Variants in PTPN13 observed in about 807,000 individuals in gnomAD.
PTPN13 encodes protein tyrosine phosphatase non-receptor type 13.
In PTPN13, 191 loss-of-function variants were observed where a neutral mutation model predicts 284.0. The ratio of observed to expected loss-of-function variants is 0.67; its 90% CI spans 0.60 to 0.76. PTPN13 has a LOEUF of 0.76. PTPN13 is among the 30% of genes least tolerant of loss of function. The probability of loss-of-function intolerance (pLI) is 0.00; values close to 1 mark genes in which losing one functional copy is unlikely to be tolerated. For missense variants in PTPN13, 2,797 were observed against 2,939.9 expected (o/e 0.95, Z 1.12); for synonymous variants, 986 against 1,022.3 (o/e 0.96, Z 0.68).
At chr4:86,658,042 T>A (rs1726060068) in intron 2 of PTPN13, among the ~76,000 whole-genome samples, 1 of 152,216 alleles carries the variant, frequency 6.6e-6, no homozygotes, top group Admixed American at 6.5e-5. Context: ...CCTTGTGGCC[T>A]GACTGCCACT....
At chr4:86,788,341 A>C (rs936309320) in intron 40 of PTPN13, among the ~76,000 whole-genome samples, 3 of 152,200 alleles carry the variant, frequency 2.0e-5, no homozygotes, top group Non-Finnish European at 4.4e-5. Flanking sequence ...AGTTTTAAAA[A>C]TTATTTAGAA....
chr4:86,614,491 T>C (rs926876166), intron 1 of PTPN13, among the ~76,000 whole-genome samples: 1 of 152,184 alleles, frequency 6.6e-6, no homozygotes, highest in African/African-American at 2.4e-5. Context: ...GTTTGACTTC[T>C]AAAAATTTCC....
chr4:86,653,721 A>G (rs1488297903), intron 2 of PTPN13, among the ~76,000 whole-genome samples: 1 of 152,160 alleles, frequency 6.6e-6, no homozygotes, highest in Non-Finnish European at 1.5e-5. Flanking sequence ...CACAGTGTGT[A>G]TATATTTAAA....
At chr4:86,706,189 A>G (rs1731745715) in intron 7 of PTPN13, among the ~76,000 whole-genome samples, 1 of 152,174 alleles carries the variant, frequency 6.6e-6, no homozygotes, top group South Asian at 2.1e-4. Flanking sequence ...CTAGTTTGCC[A>G]AAGGAGATAC....
At chr4:86,658,029 A>G (rs920658321) in intron 2 of PTPN13, among the ~76,000 whole-genome samples, 32 of 152,288 alleles carry the variant, frequency 2.1e-4, no homozygotes, top group African/African-American at 7.5e-4. Context: ...TGAGGACTGC[A>G]GTCCTTGTGG....
rs1578633269 is a variant in PTPN13 at position 86,772,865 on chromosome 4, G to A, written c.5256G>A (p.Lys1752=). 1 of 1,612,838 alleles carries A rather than the reference G, an allele frequency of 6.2e-7. No individual in the cohort carries two copies. The highest frequency in any genetic ancestry group is 2.2e-5 in the East Asian group (1 of 44,852). The change falls in exon 32 of 48, where the codon AAG becomes AAA. Residue 1752 remains lysine (K), a synonymous_variant. Coordinates refer to ENST00000411767, the MANE Select transcript of PTPN13 (RefSeq NM_080683.3). ...SESASSSSMD[K]YHIHHISEPT... The stretch of plus-strand genomic sequence containing the variant: ...CTGCTTCCTCTAGTTCGATGGATAA[G>A]TATCATATACATCACATTTCTGAAC...
At chr4:86,753,337 G>T (rs1446915228) in intron 20 of PTPN13, among the ~76,000 whole-genome samples, 1 of 152,074 alleles carries the variant, frequency 6.6e-6, no homozygotes, top group Non-Finnish European at 1.5e-5. Flanking sequence ...ATTAAAAAGA[G>T]TTTTAACTGA....
rs773482453 is a variant in PTPN13, at chr4:86,803,737, C to T, written c.6534C>T (p.Leu2178=). ...KDHSFLTNDE[L]AVLPVVKVLP... Reference sequence around the variant, plus strand: ...ATTCCTTTCTGACAAACGATGAGCTCGCTGTACTCCCTGTCGTCAAAGTGC... The same window carrying T: ...ATTCCTTTCTGACAAACGATGAGCTTGCTGTACTCCCTGTCGTCAAAGTGC... Residue 2178 remains leucine (L), a synonymous_variant, in exon 43 of 48, where the codon CTC becomes CTT. Transcript: ENST00000411767. 6.2e-6 allele frequency: 10 copies of T among 1,613,654 alleles called. No homozygotes were observed. The highest frequency in any genetic ancestry group is 8.5e-6 in the Non-Finnish European group (10 of 1,179,694).
chr4:86,767,750 G>T (rs1239008833), intron 27 of PTPN13, 67 bp from the exon 28 acceptor site: 5 of 1,293,674 alleles, frequency 3.9e-6, no homozygotes, highest in Non-Finnish European at 5.2e-6. Flanking sequence ...ACTATACAAA[G>T]TCCTGAAAAT....
intron 15 of PTPN13, among the ~76,000 whole-genome samples, chr4:86,736,496 A>G (rs575468000): frequency 3.9e-5 from 6 of 152,310 alleles, no homozygotes; most frequent in East Asian, 3.9e-4. Context: ...AAATTTATGA[A>G]GGGATTTTAT....
At chr4:86,773,684 T>G (rs969226317) in intron 32 of PTPN13, among the ~76,000 whole-genome samples, 3 of 150,800 alleles carry the variant, frequency 2.0e-5, no homozygotes, top group Non-Finnish European at 3.0e-5. Context: ...GAGCTAAATT[T>G]CCAGTTACCC....
intron 7 of PTPN13, among the ~76,000 whole-genome samples, chr4:86,715,708 T>C (rs994345263): frequency 2.6e-5 from 4 of 152,190 alleles, no homozygotes; most frequent in Non-Finnish European, 5.9e-5. Flanking sequence ...TTAAGAAATA[T>C]AATAGCTCAG....
rs1670581116 is a variant in PTPN13 at position 86,772,891 on chromosome 4, C to T, written c.5282C>T (p.Pro1761Leu). Residue 1761 changes from proline (P) to leucine (L), a missense_variant, in exon 32 of 48, where the codon CCA becomes CTA. By Grantham distance (98) the Pro-to-Leu change is moderately conservative. Coordinates refer to ENST00000411767, the MANE Select transcript of PTPN13 (RefSeq NM_080683.3). The stretch of plus-strand genomic sequence containing the variant: ...TATCATATACATCACATTTCTGAAC[C>T]AACTAGACAAGAAAACTGGACACCT... The part of the protein sequence containing the change: ...DKYHIHHISE[P>L]TRQENWTPLK... The T allele has an allele frequency of 6.2e-7, 1 of 1,611,176 alleles. No homozygotes were observed. Among genetic ancestry groups the T allele is most frequent in the Admixed American group, 1.7e-5 (1 of 59,790 alleles).
At chr4:86,766,753 A>C in intron 27 of PTPN13, 1 of 341,224 alleles carries the variant, frequency 2.9e-6, no homozygotes, top group Non-Finnish European at 5.2e-6. Context: ...ACATTACCAA[A>C]GAGATCTGAT....
At chr4:86,796,719 CTGTT>C (rs565595285) in intron 40 of PTPN13, among the ~76,000 whole-genome samples, 151 bp from the exon 41 acceptor site, 20 of 152,234 alleles carry the variant, frequency 1.3e-4, no homozygotes, top group African/African-American at 4.6e-4. Flanking sequence ...GCCTCAGCCA[CTGTT>C]TGGAGTGTAT....
chr4:86,812,032 CG>C (rs1745260586), intron 47 of PTPN13, among the ~76,000 whole-genome samples: 2 of 152,048 alleles, frequency 1.3e-5, no homozygotes, highest in South Asian at 4.2e-4. Flanking sequence ...TCTTCTAGGC[CG>C]GGCGCGGTGG....
At chr4:86,751,512 G>T (rs529392233) in intron 19 of PTPN13, among the ~76,000 whole-genome samples, 11 of 152,140 alleles carry the variant, frequency 7.2e-5, no homozygotes, top group African/African-American at 2.4e-4. Flanking sequence ...TAGAGACAGG[G>T]TTTCACTATG....
chr4:86,704,643 G>A (rs553814799), intron 7 of PTPN13, among the ~76,000 whole-genome samples: 7 of 152,096 alleles, frequency 4.6e-5, no homozygotes, highest in South Asian at 2.1e-4. Flanking sequence ...TAGAAATTTC[G>A]TATTTGTTAT....
At position 86,621,486 on chromosome 4, in the gene PTPN13, G is replaced by GT. The variant is rs202211264; in HGVS notation, c.-5-13757dup. ...TCCAAAAATGTCTGAAAAAGCAAGT[G>GT]TTTTTTTTTAACTCATTTGAATGCA... is the stretch of plus-strand genomic sequence containing the variant. On this transcript the variant is annotated intron_variant, in intron 1 of 47. Coordinates refer to ENST00000411767, the MANE Select transcript of PTPN13 (RefSeq NM_080683.3). Among the ~76,000 whole-genome samples the GT allele has an allele frequency of 1.4e-3, 219 of 151,082 alleles. 1 individual carries two copies. The highest frequency in any genetic ancestry group is 4.7e-3 in the African/African-American group (194 of 41,208).
Sources: allele counts gnomAD v4.1 joint callset (sites outside exome capture counted in the v4.1 genomes callset), GRCh38; gene constraint gnomAD v4.1.1; transcripts MANE v1.5; gene names NCBI Gene and HGNC (gene_info 2026-07-23, HGNC 2026-07-21).